Variants in PAQR9 observed in about 807,000 individuals in gnomAD.
The protein encoded by PAQR9 is progestin and adipoQ receptor family member 9.
A neutral mutation model predicts 24.0 loss-of-function variants in PAQR9; 12 were observed. That is an observed-to-expected ratio of 0.50 (90% CI 0.32 to 0.81). PAQR9 has a LOEUF of 0.81. Ranked by LOEUF, PAQR9 falls within the 30% of genes least tolerant of loss-of-function variation. The pLI, the probability that PAQR9 is intolerant of heterozygous loss-of-function variation, is 0.03. For missense variants in PAQR9, 418 were observed against 520.8 expected, an observed-to-expected ratio of 0.80 and a Z score of 1.92; for synonymous variants, 266 against 237.6, an observed-to-expected ratio of 1.12 and a Z score of -1.10.
rs1178513714 is a variant in PAQR9, at chr3:142,959,886, T to C, written c.*2317A>G. On this transcript the variant is annotated 3_prime_UTR_variant, in exon 1 of 1. Transcript: ENST00000340634. ...AAACTACATAATACGCTTCACCCTG[T>C]TTCTCTAGCTTCCAAACCAATGTTC... Among the ~76,000 whole-genome samples, 3 of 152,226 alleles carry C rather than the reference T, an allele frequency of 2.0e-5. No individual in the cohort carries two copies. In the East Asian group the frequency reaches 5.8e-4, roughly 29 times the overall value.
chr3:142,955,993 G>A lies in PAQR9; in HGVS notation c.*6210C>T, dbSNP rs879928432. 9.8e-5 allele frequency among the ~76,000 whole-genome samples: 15 copies of A among 152,292 alleles called. 1 individual carries two copies. The highest frequency in any genetic ancestry group is 8.3e-4 in the South Asian group (4 of 4,826). Reference sequence around the variant, plus strand: ...GTGATTAAACTCACCGGATAAAGATGAGTCTTTCCAAAAAGCTCTGGTTCT... The same window carrying A: ...GTGATTAAACTCACCGGATAAAGATAAGTCTTTCCAAAAAGCTCTGGTTCT... On this transcript the variant is annotated 3_prime_UTR_variant, in exon 1 of 1. Transcript: ENST00000340634.
At chr3:142,950,471 G>A, downstream of PAQR9, 1 of 297,064 alleles carries the variant, frequency 3.4e-6, no homozygotes, top group Non-Finnish European at 6.9e-6. Flanking sequence ...CTTTTTACTT[G>A]TTAAGATGGA....
chr3:142,963,970 T>G, upstream of PAQR9: 1 of 802,606 alleles, frequency 1.2e-6, no homozygotes, highest in Non-Finnish European at 1.5e-6. Context: ...GCCCTGGGGT[T>G]CGAAACCCGA....
downstream of PAQR9, chr3:142,949,628 C>T (rs1934688195): frequency 6.6e-6 from 1 of 152,140 alleles, no homozygotes. Flanking sequence ...TTCCATCTTC[C>T]ATTTCTTTTA....
Position 142,959,823 on chromosome 3 carries a change from G to C in PAQR9, c.*2380C>G, listed in dbSNP as rs1204516261. ...AATCCTTGCTAGAAGTCTTCCTCCT[G>C]AAAGTTCCTTCTGAAATTGAGGTCC... On this transcript the variant is annotated 3_prime_UTR_variant, in exon 1 of 1. Coordinates refer to ENST00000340634, the MANE Select transcript of PAQR9 (RefSeq NM_198504.4). Among the ~76,000 whole-genome samples, 1 of 152,192 alleles carries C rather than the reference G, an allele frequency of 6.6e-6. No homozygotes were observed.
rs1206215420 is a variant in PAQR9 at position 142,960,175 on chromosome 3, A to G, written c.*2028T>C. The stretch of plus-strand genomic sequence containing the variant: ...GATTCTAAATTAAATATAGACATAT[A>G]TAAATTTAACTTCTATGTGCAAAGT... On this transcript the variant is annotated 3_prime_UTR_variant, in exon 1 of 1. Coordinates refer to ENST00000340634, the MANE Select transcript of PAQR9 (RefSeq NM_198504.4). Among the ~76,000 whole-genome samples the G allele has an allele frequency of 6.6e-6, 1 of 152,244 alleles. No individual in the cohort carries two copies. The highest frequency in any genetic ancestry group is 2.4e-5 in the African/African-American group (1 of 41,454).
Position 142,957,109 on chromosome 3 carries a change from C to A in PAQR9, c.*5094G>T, listed in dbSNP as rs1934801932. Among the ~76,000 whole-genome samples, 1 of 152,276 alleles carries A rather than the reference C, an allele frequency of 6.6e-6. No homozygotes were observed. The highest frequency in any genetic ancestry group is 6.5e-5 in the Admixed American group (1 of 15,286). On this transcript the variant is annotated 3_prime_UTR_variant, in exon 1 of 1. Transcript: ENST00000340634. ...AATTGGCTGGTGCTATCCCGTAATG[C>A]CTTTTTGCCTCTGTCCTAATTTTAT...
chr3:142,960,468 C>T lies in PAQR9; in HGVS notation c.*1735G>A, dbSNP rs556406654. The T allele has an allele frequency of 6.5e-6, 1 of 152,998 alleles. No individual in the cohort carries two copies. The highest frequency in any genetic ancestry group is 2.4e-5 in the African/African-American group (1 of 41,572). The allele number at this position is 152,998 out of a possible 1,614,324, so 9.5% of individuals were successfully genotyped here. On this transcript the variant is annotated 3_prime_UTR_variant, in exon 1 of 1. Coordinates refer to ENST00000340634, the MANE Select transcript of PAQR9 (RefSeq NM_198504.4). The stretch of plus-strand genomic sequence containing the variant: ...GATAAGCCACCACTACCTGGGCAAG[C>T]TCTCCATCACCTACAAGCCAGTGAA...
In PAQR9 at chr3:142,963,312, C is replaced by T. The variant is rs1934949530; in HGVS notation, c.25G>A (p.Gly9Ser). Residue 9 changes from glycine to serine, a missense_variant, in exon 1 of 1, where the codon GGC becomes AGC. Physicochemically the swap from Gly to Ser is moderately conservative, Grantham distance 56. Transcript: ENST00000340634. MPRRLQPR[G>S]AGTKGPPAPA... The stretch of plus-strand genomic sequence containing the variant: ...GCCGGAGGGCCTTTTGTGCCCGCGC[C>T]CCGGGGCTGCAGGCGCCGCGGCATG... 7.1e-7 allele frequency: 1 copy of T among 1,401,202 alleles called. No homozygotes were observed. Among genetic ancestry groups the T allele is most frequent in the African/African-American group, 1.5e-5 (1 of 65,698 alleles). 86.8% of individuals were successfully genotyped at this position (1,401,202 alleles called of 1,614,324 possible).
chr3:142,951,674 T>C, downstream of PAQR9: 1 of 456,160 alleles, frequency 2.2e-6, no homozygotes, highest in Non-Finnish European at 4.4e-6. Context: ...GTCTCTAAAT[T>C]GAGCAGGAAA....
rs150071656 is a variant in PAQR9 at position 142,955,442 on chromosome 3, TAAAAAAAAAAA to T, written c.*6750_*6760del. Reference sequence around the variant, plus strand: ...GAGCGACCACATGGTCTATACAAATTAAAAAAAAAAAAAAAAAAAAAAAAAAAAAAAAAAAG... The same window carrying T: ...GAGCGACCACATGGTCTATACAAATTAAAAAAAAAAAAAAAAAAAAAAAAG... On this transcript the variant is annotated 3_prime_UTR_variant, in exon 1 of 1. Coordinates refer to ENST00000340634, the MANE Select transcript of PAQR9 (RefSeq NM_198504.4). 1.9e-4 allele frequency among the ~76,000 whole-genome samples: 4 copies of T among 21,576 alleles called. No individual in the cohort carries two copies. Among genetic ancestry groups the T allele is most frequent in the Admixed American group, 2.0e-3 (2 of 984 alleles). 14.2% of individuals were successfully genotyped at this position (21,576 alleles called of 152,430 possible). A position where few individuals can be genotyped will look rare whatever the true frequency, so the allele number is the denominator to read the frequency against.
At chr3:142,963,835 T>C, upstream of PAQR9, 2 of 985,122 alleles carry the variant, frequency 2.0e-6, no homozygotes, top group Non-Finnish European at 1.2e-6. Context: ...AGTTGTCCCC[T>C]GTCTCGAGTT....
exon 3 of PAQR9, chr3:142,949,281 T>C (rs1294739328): frequency 1.3e-5 from 2 of 152,234 alleles, no homozygotes; most frequent in African/African-American, 4.8e-5. Context: ...TCTAAACTGA[T>C]ATTTATAGAT....
chr3:142,958,389 G>C lies in PAQR9; in HGVS notation c.*3814C>G, dbSNP rs192980163. Among the ~76,000 whole-genome samples, 2 of 152,164 alleles carry C rather than the reference G, an allele frequency of 1.3e-5. No individual in the cohort carries two copies. Among genetic ancestry groups the C allele is most frequent in the African/African-American group, 4.8e-5 (2 of 41,424 alleles). ...CACAGTTGAGCAGACAATGGTCTCC[G>C]CATTCTAATGCCAGTTTGAAAACTT... On this transcript the variant is annotated 3_prime_UTR_variant, in exon 1 of 1. Transcript: ENST00000340634.
In PAQR9 at chr3:142,960,366, C is replaced by G. The variant is rs971076408; in HGVS notation, c.*1837G>C. The G allele has an allele frequency of 6.6e-6, 1 of 152,170 alleles. No individual in the cohort carries two copies. The highest frequency in any genetic ancestry group is 1.5e-5 in the Non-Finnish European group (1 of 68,026). The allele number at this position is 152,170 out of a possible 1,614,324, so 9.4% of individuals were successfully genotyped here. A position where few individuals can be genotyped will look rare whatever the true frequency, so the allele number is the denominator to read the frequency against. On this transcript the variant is annotated 3_prime_UTR_variant, in exon 1 of 1. Coordinates refer to ENST00000340634, the MANE Select transcript of PAQR9 (RefSeq NM_198504.4). ...CTCATATGCATGATCTAAGTTATAT[C>G]ATAAAATCAAGATGCACCTGTGGGA...
At chr3:142,952,543 C>T (rs1560157622), downstream of PAQR9, among the ~76,000 whole-genome samples, 1 of 152,142 alleles carries the variant, frequency 6.6e-6, no homozygotes, top group Non-Finnish European at 1.5e-5. Flanking sequence ...ATAAATATAA[C>T]TTAAACTCAA....
In PAQR9 at chr3:142,956,303, C is replaced by T. The variant is rs142608190; in HGVS notation, c.*5900G>A. Among the ~76,000 whole-genome samples the T allele has an allele frequency of 5.3e-5, 8 of 152,224 alleles. No homozygotes were observed. The highest frequency in any genetic ancestry group is 1.9e-4 in the African/African-American group (8 of 41,544). On this transcript the variant is annotated 3_prime_UTR_variant, in exon 1 of 1. Transcript: ENST00000340634. Reference sequence around the variant, plus strand: ...TCTTTACAGCACGGCCAAATGACCACCTGAAGACCCCCCATTCTGCCTTGA... The same window carrying T: ...TCTTTACAGCACGGCCAAATGACCATCTGAAGACCCCCCATTCTGCCTTGA...
rs1934961221 is a variant in PAQR9, at chr3:142,963,601, C to A, written c.-265G>T. On this transcript the variant is annotated 5_prime_UTR_variant, in exon 1 of 1. Transcript: ENST00000340634. ...GGCTTCCTCGCCAAGCCCCTGCTAC[C>A]GGCGCGCGGCCGCCCGCGCTGCGGC... is the stretch of plus-strand genomic sequence containing the variant. 1.2e-6 allele frequency: 1 copy of A among 834,496 alleles called. No individual in the cohort carries two copies. Among genetic ancestry groups the A allele is most frequent in the Admixed American group, 6.3e-5 (1 of 15,824 alleles). The allele number at this position is 834,496 out of a possible 1,614,324, so 51.7% of individuals were successfully genotyped here.
chr3:142,960,857 G>C lies in PAQR9; in HGVS notation c.*1346C>G, dbSNP rs1934878033. 1 of 152,244 alleles carries C rather than the reference G, an allele frequency of 6.6e-6. No homozygotes were observed. The highest frequency in any genetic ancestry group is 1.5e-5 in the Non-Finnish European group (1 of 68,038). 9.4% of individuals were successfully genotyped at this position (152,244 alleles called of 1,614,324 possible). Reference sequence around the variant, plus strand: ...CAAACTTCAGCGTTTAACTAGGCAAGTGTAATCTTATTTAACTCAAAATTT... The same window carrying C: ...CAAACTTCAGCGTTTAACTAGGCAACTGTAATCTTATTTAACTCAAAATTT... On this transcript the variant is annotated 3_prime_UTR_variant, in exon 1 of 1. Coordinates refer to ENST00000340634, the MANE Select transcript of PAQR9 (RefSeq NM_198504.4).
Sources: allele counts gnomAD v4.1 joint callset (sites outside exome capture counted in the v4.1 genomes callset), GRCh38; gene constraint gnomAD v4.1.1; transcripts MANE v1.5; gene names NCBI Gene and HGNC (gene_info 2026-07-23, HGNC 2026-07-21).